Variants in INSR observed in about 807,000 individuals in gnomAD.
INSR encodes the protein insulin receptor.
Under a neutral mutation model 142.6 loss-of-function variants are expected in INSR, and 67 were observed. The observed-to-expected ratio is 0.47, with a 90% CI of 0.39 to 0.58. The LOEUF is 0.58. INSR is among the 20% of genes least tolerant of loss of function. INSR has a pLI of 0.00. For missense variants in INSR, 1,248 were observed against 1,833.2 expected, an observed-to-expected ratio of 0.68 and a Z score of 5.83; for synonymous variants, 756 against 743.1, an observed-to-expected ratio of 1.02 and a Z score of -0.28.
intron 11 of INSR, among the ~76,000 whole-genome samples, chr19:7,149,928 A>G (rs1439493589): frequency 1.4e-4 from 5 of 35,086 alleles, no homozygotes; most frequent in African/African-American, 3.2e-4. Context: ...AAAGAAGGAA[A>G]AAAAGAAAGA....
At chr19:7,201,199 A>G (rs947338843) in intron 2 of INSR, among the ~76,000 whole-genome samples, 8 of 152,198 alleles carry the variant, frequency 5.3e-5, no homozygotes, top group African/African-American at 1.7e-4. Flanking sequence ...AGAGAATGGC[A>G]TACCCATTCT....
chr19:7,272,488 C>A (rs1262045990), intron 1 of INSR, among the ~76,000 whole-genome samples: 1 of 151,614 alleles, frequency 6.6e-6, no homozygotes, highest in Non-Finnish European at 1.5e-5. Context: ...CGGGGTGGCG[C>A]ATGCCTGTAA....
Position 7,196,248 on chromosome 19 carries a change from G to C in INSR, c.653-11611C>G, listed in dbSNP as rs62111421. Reference sequence around the variant, plus strand: ...CCACGCCTGGCCTCAGAACTTTCTTGTTCTTAGGAAATATCCACTGAAGAA... The same window carrying C: ...CCACGCCTGGCCTCAGAACTTTCTTCTTCTTAGGAAATATCCACTGAAGAA... On this transcript the variant is annotated intron_variant, in intron 2 of 21. Transcript: ENST00000302850. Among the ~76,000 whole-genome samples the C allele has an allele frequency of 1.9e-3, 283 of 152,170 alleles. 1 individual carries two copies. Among genetic ancestry groups the C allele is most frequent in the Non-Finnish European group, 3.3e-3 (227 of 67,996 alleles).
At position 7,125,503 on chromosome 19, in the gene INSR, G is replaced by A. The variant is rs1224760162; in HGVS notation, c.3038C>T (p.Pro1013Leu). Residue 1013 changes from proline (P) to leucine (L), a missense_variant, in exon 17 of 22, where the codon CCG becomes CTG. Pro to Leu is a moderately conservative substitution (Grantham distance 98, BLOSUM62 -3). Around this residue, in one of 3 missense-constraint regions of INSR, gnomAD observed 1,069 missense variants for 1,654.0 expected, o/e 0.65. Coordinates refer to ENST00000302850, the MANE Select transcript of INSR (RefSeq NM_000208.4). This position sits in a 1 kb window ranked among gnomAD's most constrained non-coding sequence, Gnocchi z 4.9. The part of the protein sequence containing the change: ...SDVFPCSVYV[P>L]DEWEVSREKI... ...CTCTCGAGACACCTCCCACTCGTCC[G>A]GCACGTACACAGAGCATGGAAACAC... 19 of 1,613,772 alleles carry A rather than the reference G, an allele frequency of 1.2e-5. No individual in the cohort carries two copies. Among genetic ancestry groups the A allele is most frequent in the Admixed American group, 5.0e-5 (3 of 59,994 alleles).
At position 7,166,619 on chromosome 19, in the gene INSR, T is replaced by G. The variant is rs1973897204; in HGVS notation, c.1611-215A>C. Among the ~76,000 whole-genome samples, 1 of 152,164 alleles carries G rather than the reference T, an allele frequency of 6.6e-6. No individual in the cohort carries two copies. The highest frequency in any genetic ancestry group is 2.4e-5 in the African/African-American group (1 of 41,444). ...AAAAACACAGCTTGGGCATCCCTTA[T>G]TCAAAACACTTGAGACTTGGCCAAG... On this transcript the variant is annotated intron_variant, in intron 7 of 21. Coordinates refer to ENST00000302850, the MANE Select transcript of INSR (RefSeq NM_000208.4). The surrounding 1 kb of genome is among the most constrained non-coding windows in gnomAD (Gnocchi z 4.1).
rs554667478 is a variant in INSR at position 7,125,688 on chromosome 19, A to G, written c.3014-161T>C. 6.6e-6 allele frequency among the ~76,000 whole-genome samples: 1 copy of G among 152,256 alleles called. No homozygotes were observed. The highest frequency in any genetic ancestry group is 1.9e-4 in the East Asian group (1 of 5,168). ...CACTGGGCATATGGCCGAGAACAGG[A>G]CAGGCATCTGCACCCATGGAGAGGG... On this transcript the variant is annotated intron_variant, in intron 16 of 21. Transcript: ENST00000302850. The surrounding 1 kb of genome is among the most constrained non-coding windows in gnomAD (Gnocchi z 4.9).
At chr19:7,251,422 A>T (rs971727106) in intron 2 of INSR, among the ~76,000 whole-genome samples, 1 of 151,696 alleles carries the variant, frequency 6.6e-6, no homozygotes, top group South Asian at 2.1e-4. Context: ...ATGCTCGGCT[A>T]ATTTTTTATT....
rs558626674 is a variant in INSR at position 7,281,743 on chromosome 19, G to A, written c.100+12049C>T. Among the ~76,000 whole-genome samples, 3 of 152,194 alleles carry A rather than the reference G, an allele frequency of 2.0e-5. No homozygotes were observed. The South Asian group carries it at 6.2e-4, about 32-fold the overall frequency. On this transcript the variant is annotated intron_variant, in intron 1 of 21. Coordinates refer to ENST00000302850, the MANE Select transcript of INSR (RefSeq NM_000208.4). ...AAAAAGCAGTTGCATCCCTACTCTC[G>A]AGTCCCTTCCTGTCTGACTACTTTT...
chr19:7,251,756 T>C (rs1335551989), intron 2 of INSR, among the ~76,000 whole-genome samples: 1 of 152,078 alleles, frequency 6.6e-6, no homozygotes, highest in African/African-American at 2.4e-5. Flanking sequence ...GTACTATTTC[T>C]CAACCAGAGT....
chr19:7,170,875 G>GC, intron 5 of INSR, 124 bp from the exon 6 acceptor site: 1 of 807,610 alleles, frequency 1.2e-6, no homozygotes, highest in Non-Finnish European at 2.2e-6. Flanking sequence ...CACTTGCTTG[G>GC]CACATACTCA....
At chr19:7,288,369 G>A (rs1274626934) in intron 1 of INSR, among the ~76,000 whole-genome samples, 2 of 151,994 alleles carry the variant, frequency 1.3e-5, no homozygotes, top group Non-Finnish European at 2.9e-5. Context: ...TAGTCATGGT[G>A]GTGCCTGCCT....
At chr19:7,121,281 G>A (rs1972485454) in intron 19 of INSR, among the ~76,000 whole-genome samples, 1 of 152,006 alleles carries the variant, frequency 6.6e-6, no homozygotes. Flanking sequence ...TTACAGGGGT[G>A]AGCCACCGCA....
intron 13 of INSR, among the ~76,000 whole-genome samples, chr19:7,140,317 C>T (rs543809179): frequency 6.6e-6 from 1 of 152,284 alleles, no homozygotes; most frequent in East Asian, 1.9e-4. Flanking sequence ...CCAACTAAAC[C>T]TGGTCCACCA....
intron 3 of INSR, among the ~76,000 whole-genome samples, chr19:7,181,865 G>A (rs1455900986): frequency 1.3e-5 from 2 of 151,734 alleles, no homozygotes; most frequent in Admixed American, 1.3e-4. Flanking sequence ...ACAGGCATAA[G>A]CCACTGTGCC....
chr19:7,222,596 T>C (rs1428374363), intron 2 of INSR, among the ~76,000 whole-genome samples: 1 of 152,112 alleles, frequency 6.6e-6, no homozygotes, highest in Non-Finnish European at 1.5e-5. Flanking sequence ...TCTTGCTACA[T>C]TGCCCAGGTT....
Position 7,192,158 on chromosome 19 carries a change from AAG to A in INSR, c.653-7523_653-7522del, listed in dbSNP as rs1453280887. ...GAAAGATAAGAGAGAGAGAAAGAGAAAGAAAAAGAAAGACAGAGAAAGAAAAG... is the reference window on the plus strand; with the variant it reads ...GAAAGATAAGAGAGAGAGAAAGAGAAAAAAAGAAAGACAGAGAAAGAAAAG... On this transcript the variant is annotated intron_variant, in intron 2 of 21. Transcript: ENST00000302850. This position sits in a 1 kb window ranked among gnomAD's most constrained non-coding sequence, Gnocchi z 4.2. Among the ~76,000 whole-genome samples, 4 of 135,510 alleles carry A rather than the reference AAG, an allele frequency of 3.0e-5. No homozygotes were observed. The highest frequency in any genetic ancestry group is 6.4e-5 in the Non-Finnish European group (4 of 62,680). 88.9% of individuals were successfully genotyped at this position (135,510 alleles called of 152,430 possible). A position where few individuals can be genotyped will look rare whatever the true frequency, so the allele number is the denominator to read the frequency against.
chr19:7,201,065 G>A (rs990454284), intron 2 of INSR, among the ~76,000 whole-genome samples: 1 of 152,088 alleles, frequency 6.6e-6, no homozygotes. Context: ...ATGCAATTAA[G>A]TACAGGAGTA....
intron 2 of INSR, among the ~76,000 whole-genome samples, chr19:7,229,058 G>A (rs1975873013): frequency 6.6e-6 from 1 of 150,468 alleles, no homozygotes; most frequent in South Asian, 2.1e-4. Flanking sequence ...TGTATGGATG[G>A]ATGAATGGAT....
At chr19:7,154,872 C>T (rs950104763) in intron 9 of INSR, among the ~76,000 whole-genome samples, 2 of 151,598 alleles carry the variant, frequency 1.3e-5, no homozygotes, top group Non-Finnish European at 2.9e-5. Flanking sequence ...TGCAGTGAGC[C>T]GAGATTGAGC....
Sources: allele counts gnomAD v4.1 joint callset (sites outside exome capture counted in the v4.1 genomes callset), GRCh38; gene constraint gnomAD v4.1.1; regional missense constraint gnomAD v4.1.1; non-coding constraint Gnocchi (gnomAD v3.1); transcripts MANE v1.5; gene names NCBI Gene and HGNC (gene_info 2026-07-23, HGNC 2026-07-21).